Variants in GPR63 observed in about 807,000 individuals in gnomAD.
GPR63 encodes the protein probable G protein-coupled receptor 63.
A neutral mutation model predicts 23.1 loss-of-function variants in GPR63; 12 were observed. The ratio of observed to expected loss-of-function variants is 0.52; its 90% CI spans 0.33 to 0.84. The LOEUF (loss-of-function observed/expected upper bound fraction) is 0.84. Among genes scored for constraint, GPR63 ranks in the 40% least tolerant of loss-of-function variants. The pLI is 0.02. For synonymous variants in GPR63, 172 were observed against 191.1 expected, an observed-to-expected ratio of 0.90 and a Z score of 0.82; for missense variants, 472 against 515.6, an observed-to-expected ratio of 0.92 and a Z score of 0.82.
intron 1 of GPR63, among the ~76,000 whole-genome samples, chr6:96,814,555 T>G (rs9320316): frequency 0.34 from 52,186 of 151,972 alleles, 9,276 homozygotes; most frequent in African/African-American, 0.42. Flanking sequence ...GGGAGGACCG[T>G]GATTAGAACC....
At chr6:96,806,146 A>C (rs1437041072) in intron 1 of GPR63, among the ~76,000 whole-genome samples, 1 of 152,230 alleles carries the variant, frequency 6.6e-6, no homozygotes, top group East Asian at 1.9e-4. Flanking sequence ...GCTGTCTATT[A>C]CATGCTGACT....
intron 1 of GPR63, among the ~76,000 whole-genome samples, chr6:96,831,203 T>C (rs1263380204): frequency 6.6e-6 from 1 of 152,146 alleles, no homozygotes; most frequent in African/African-American, 2.4e-5. Flanking sequence ...AGAGGGCAGA[T>C]GGCAATACAG....
intron 1 of GPR63, among the ~76,000 whole-genome samples, chr6:96,801,534 A>T (rs1286974319): frequency 1.3e-5 from 2 of 152,168 alleles, no homozygotes; most frequent in Non-Finnish European, 2.9e-5. Context: ...TCAAAATTTC[A>T]TTCATTCATT....
intron 1 of GPR63, among the ~76,000 whole-genome samples, chr6:96,819,022 T>G (rs989333782): frequency 6.9e-6 from 1 of 144,290 alleles, no homozygotes; most frequent in South Asian, 2.1e-4. Flanking sequence ...AAACAACAGA[T>G]GGATGCTGGA....
chr6:96,824,943 C>G (rs1774402412), intron 1 of GPR63, among the ~76,000 whole-genome samples: 1 of 152,200 alleles, frequency 6.6e-6, no homozygotes, highest in Non-Finnish European at 1.5e-5. Context: ...ATAGGAAATT[C>G]AATGGCTCAC....
intron 1 of GPR63, among the ~76,000 whole-genome samples, chr6:96,826,558 G>C (rs1582275222): frequency 1.3e-5 from 2 of 152,096 alleles, no homozygotes; most frequent in East Asian, 3.9e-4. Flanking sequence ...ATTAGTTAAG[G>C]TCTGCTTATT....
Position 96,799,523 on chromosome 6 carries a change from G to C in GPR63, c.209C>G (p.Pro70Arg), listed in dbSNP as rs761667953. Reference protein sequence around the residue: ...TVNSTAVPTTPAAFKSLNLPL... With the variant: ...TVNSTAVPTTRAAFKSLNLPL... ...CAAGTTTAGGCTCTTAAATGCTGCT[G>C]GTGTTGTGGGCACAGCTGTACTATT... Residue 70 changes from proline (P) to arginine (R), a missense_variant, in exon 2 of 2, where the codon CCA (proline) becomes CGA (arginine). Coordinates refer to ENST00000229955, the MANE Select transcript of GPR63 (RefSeq NM_030784.4). 171 of 1,614,012 alleles carry C rather than the reference G, an allele frequency of 1.1e-4. No homozygotes were observed. The highest frequency in any genetic ancestry group is 1.4e-4 in the Non-Finnish European group (165 of 1,180,026).
intron 1 of GPR63, among the ~76,000 whole-genome samples, chr6:96,831,907 A>C (rs975405274): frequency 2.0e-5 from 3 of 151,154 alleles, no homozygotes; most frequent in Non-Finnish European, 4.4e-5. Context: ...CTCTGTCACA[A>C]AAAAAAAATA....
chr6:96,810,886 C>T (rs1159523629), intron 1 of GPR63, among the ~76,000 whole-genome samples: 1 of 152,148 alleles, frequency 6.6e-6, no homozygotes, highest in African/African-American at 2.4e-5. Flanking sequence ...ACTATTCTAT[C>T]ACACTTTTCT....
chr6:96,815,877 C>A (rs1008443921), intron 1 of GPR63, among the ~76,000 whole-genome samples: 17 of 152,036 alleles, frequency 1.1e-4, no homozygotes, highest in African/African-American at 4.1e-4. Flanking sequence ...AGAAAACATT[C>A]CTGAAGGGTT....
In GPR63 at chr6:96,798,870, C is replaced by A; in HGVS notation, c.862G>T (p.Ala288Ser). The A allele has an allele frequency of 6.2e-7, 1 of 1,614,108 alleles. No homozygotes were observed. The highest frequency in any genetic ancestry group is 8.5e-7 in the Non-Finnish European group (1 of 1,180,034). The change falls in exon 2 of 2, where the codon GCC becomes TCC. Residue 288 changes from alanine (A) to serine (S), a missense_variant. Ala to Ser is a moderately conservative substitution (Grantham distance 99, BLOSUM62 1). Coordinates refer to ENST00000229955, the MANE Select transcript of GPR63 (RefSeq NM_030784.4). ...AGACTCATGAGACCCAGTTTGCTGGCCTGGCTGAGGCATATACCTTCAGGG... is the reference window on the plus strand; with the variant it reads ...AGACTCATGAGACCCAGTTTGCTGGACTGGCTGAGGCATATACCTTCAGGG... Reference protein sequence around the residue: ...SYPEGICLSQASKLGLMSLQR... With the variant: ...SYPEGICLSQSSKLGLMSLQR...
chr6:96,836,195 A>G (rs377751124), intron 1 of GPR63, among the ~76,000 whole-genome samples: 1 of 152,262 alleles, frequency 6.6e-6, no homozygotes, highest in East Asian at 1.9e-4. Context: ...GTGGGAAAAA[A>G]AACTTATCCA....
intron 1 of GPR63, among the ~76,000 whole-genome samples, chr6:96,814,937 T>C (rs1774126907): frequency 6.6e-6 from 1 of 152,238 alleles, no homozygotes; most frequent in Non-Finnish European, 1.5e-5. Context: ...CATTATCCCT[T>C]AATCTCAGAC....
At chr6:96,802,441 C>G (rs879428930) in intron 1 of GPR63, among the ~76,000 whole-genome samples, 53 of 151,984 alleles carry the variant, frequency 3.5e-4, no homozygotes, top group South Asian at 6.2e-4. Context: ...GAAAATTACA[C>G]TGAAATGACA....
chr6:96,834,462 G>A (rs1774669785), intron 1 of GPR63, among the ~76,000 whole-genome samples: 1 of 152,012 alleles, frequency 6.6e-6, no homozygotes, highest in Admixed American at 6.6e-5. Flanking sequence ...CTCAAATGTT[G>A]TGTTTTGAAA....
In GPR63 at chr6:96,799,187, A is replaced by G. The variant is rs142129259; in HGVS notation, c.545T>C (p.Ile182Thr). The G allele has an allele frequency of 4.3e-6, 7 of 1,614,064 alleles. No homozygotes were observed. Among genetic ancestry groups the G allele is most frequent in the Admixed American group, 1.7e-5 (1 of 60,002 alleles). The change falls in exon 2 of 2, where the codon ATT becomes ACT. Residue 182 changes from isoleucine (I) to threonine (T), a missense_variant. Coordinates refer to ENST00000229955, the MANE Select transcript of GPR63 (RefSeq NM_030784.4). ...TAGCTTATCCTGCCTCTGGACTATA[A>G]TAAGGAACCTATCTATGCTAATGAT... ...LLIISIDRFL[I>T]IVQRQDKLNP...
chr6:96,835,728 A>G (rs1774710134), intron 1 of GPR63, among the ~76,000 whole-genome samples: 1 of 152,172 alleles, frequency 6.6e-6, no homozygotes, highest in Non-Finnish European at 1.5e-5. Context: ...GTACTGGTAT[A>G]CTTTACAGCA....
At chr6:96,815,276 T>C (rs1055086764) in intron 1 of GPR63, among the ~76,000 whole-genome samples, 2 of 152,178 alleles carry the variant, frequency 1.3e-5, no homozygotes, top group Admixed American at 6.5e-5. Context: ...CAAAGGAGAA[T>C]TTGATCTTAA....
chr6:96,801,687 C>T (rs1773769522), intron 1 of GPR63, among the ~76,000 whole-genome samples: 1 of 152,302 alleles, frequency 6.6e-6, no homozygotes, highest in South Asian at 2.1e-4. Context: ...AAGAAGAATC[C>T]TGATCTATTC....
Sources: gnomAD v4.1 joint callset for allele counts (sites outside exome capture counted in the v4.1 genomes callset) on GRCh38, gnomAD v4.1.1 for gene constraint, MANE v1.5 for transcripts, NCBI Gene and HGNC (gene_info 2026-07-23, HGNC 2026-07-21) for gene names.